MAPK10: variants seen among roughly 807,000 people sequenced by gnomAD.
The protein encoded by MAPK10 is mitogen-activated protein kinase 10.
In MAPK10, 25 loss-of-function variants were observed where a neutral mutation model predicts 59.3. That is an observed-to-expected ratio of 0.42 (90% CI 0.31 to 0.59). The LOEUF (loss-of-function observed/expected upper bound fraction) is 0.59, where lower values mean the gene tolerates loss of function less well. MAPK10 is among the 20% of genes least tolerant of loss of function. The probability of loss-of-function intolerance (pLI) is 0.15; values close to 1 mark genes in which losing one functional copy is unlikely to be tolerated. For synonymous variants in MAPK10, 190 were observed against 200.5 expected (o/e 0.95, Z 0.44); for missense variants, 351 against 568.9 (o/e 0.62, Z 3.90).
upstream of MAPK10, chr4:86,458,006 T>A (rs762535850): frequency 4.6e-5 from 7 of 151,168 alleles, no homozygotes; most frequent in Non-Finnish European, 8.8e-5. Context: ...TACTAAAAAA[T>A]ACAAAATTAG....
intron 9 of MAPK10, among the ~76,000 whole-genome samples, chr4:86,097,731 T>C (rs902288833): frequency 2.9e-4 from 44 of 152,228 alleles, no homozygotes; most frequent in South Asian, 2.5e-3. Flanking sequence ...ATCTGTACCT[T>C]TACTAGAGAG....
chr4:86,308,820 T>C (rs1400780143), intron 2 of MAPK10: 1 of 152,230 alleles, frequency 6.6e-6, no homozygotes, highest in Non-Finnish European at 1.5e-5. Context: ...GCTAAATTTG[T>C]TAATATGAAC....
At chr4:86,476,335 G>A (rs187722153) in intron 1 of MAPK10, among the ~76,000 whole-genome samples, 94 of 152,196 alleles carry the variant, frequency 6.2e-4, no homozygotes, top group East Asian at 3.3e-3. Context: ...TTACAGTTTC[G>A]TTCTGTGACT....
chr4:86,414,001 A>G (rs1246429296), intron 1 of MAPK10, among the ~76,000 whole-genome samples: 1 of 152,142 alleles, frequency 6.6e-6, no homozygotes, highest in East Asian at 1.9e-4. Context: ...TTCTGTGTCA[A>G]TCTCACTGGG....
intron 1 of MAPK10, among the ~76,000 whole-genome samples, chr4:86,424,260 G>A (rs962281499): frequency 5.3e-5 from 8 of 151,666 alleles, no homozygotes; most frequent in Admixed American, 5.3e-4. Flanking sequence ...GCGCAATCTC[G>A]AACACTGCAA....
chr4:86,170,559 C>T (rs1227115012), intron 3 of MAPK10, among the ~76,000 whole-genome samples: 1 of 151,918 alleles, frequency 6.6e-6, no homozygotes, highest in Non-Finnish European at 1.5e-5. Flanking sequence ...TACAGGAGCA[C>T]CCAGATTCAT....
intron 1 of MAPK10, among the ~76,000 whole-genome samples, chr4:86,522,371 G>A (rs967780926): frequency 2.6e-5 from 4 of 152,156 alleles, no homozygotes; most frequent in African/African-American, 9.7e-5. Context: ...GATGAAACGA[G>A]GTTGGAGCTA....
chr4:86,092,952 A>G (rs1225178201), intron 9 of MAPK10, among the ~76,000 whole-genome samples: 1 of 152,032 alleles, frequency 6.6e-6, no homozygotes, highest in Non-Finnish European at 1.5e-5. Flanking sequence ...CACTTTCCTT[A>G]GAAGAAATGT....
chr4:86,251,960 T>C (rs2148714791), intron 2 of MAPK10, among the ~76,000 whole-genome samples: 1 of 122,338 alleles, frequency 8.2e-6, no homozygotes, highest in Admixed American at 7.4e-5. Context: ...GTTTTTTGGC[T>C]GCATAAAAGT....
At chr4:86,500,322 T>C (rs1301486679) in intron 1 of MAPK10, among the ~76,000 whole-genome samples, 2 of 152,182 alleles carry the variant, frequency 1.3e-5, no homozygotes, top group African/African-American at 2.4e-5. Flanking sequence ...CCAGATCATA[T>C]GATTCTATTT....
intron 2 of MAPK10, among the ~76,000 whole-genome samples, chr4:86,310,360 T>C (rs1193092298): frequency 1.3e-5 from 2 of 152,162 alleles, no homozygotes; most frequent in Non-Finnish European, 2.9e-5. Context: ...ATTTTCTGGG[T>C]TCACAAGACA....
At chr4:86,502,160 AT>A (rs376294004) in intron 1 of MAPK10, among the ~76,000 whole-genome samples, 2 of 151,440 alleles carry the variant, frequency 1.3e-5, no homozygotes, top group Admixed American at 1.3e-4. Flanking sequence ...TTTGATCTCC[AT>A]TTTTTTTCCT....
chr4:86,144,810 C>A (rs2064476417), intron 4 of MAPK10, among the ~76,000 whole-genome samples: 1 of 152,002 alleles, frequency 6.6e-6, no homozygotes, highest in East Asian at 1.9e-4. Context: ...TAATACTCTG[C>A]CACTGATCCA....
At chr4:86,330,210 T>C (rs1442650581) in intron 2 of MAPK10, among the ~76,000 whole-genome samples, 2 of 152,216 alleles carry the variant, frequency 1.3e-5, no homozygotes, top group Admixed American at 6.5e-5. Context: ...TTTTTGTGTG[T>C]GTTTAAGTAC....
chr4:86,449,163 G>A (rs1750406892), intron 1 of MAPK10, among the ~76,000 whole-genome samples: 1 of 152,086 alleles, frequency 6.6e-6, no homozygotes, highest in African/African-American at 2.4e-5. Flanking sequence ...GGCCCCAGGG[G>A]TTGGGGACCC....
At chr4:86,203,029 G>C (rs371333142) in intron 2 of MAPK10, among the ~76,000 whole-genome samples, 112 of 152,064 alleles carry the variant, frequency 7.4e-4, no homozygotes, top group East Asian at 3.9e-4. Context: ...GATGATCAAG[G>C]TGGTATCTCA....
intron 1 of MAPK10, among the ~76,000 whole-genome samples, chr4:86,480,786 G>A (rs1056623742): frequency 9.9e-5 from 15 of 152,184 alleles, no homozygotes; most frequent in Non-Finnish European, 2.2e-4. Flanking sequence ...TAAGAGAAAA[G>A]CATAACAAAT....
At chr4:86,019,138 T>C (rs1744932653) in intron 13 of MAPK10, among the ~76,000 whole-genome samples, 1 of 152,186 alleles carries the variant, frequency 6.6e-6, no homozygotes. Flanking sequence ...GAAATAAAGA[T>C]AATGATATGC....
At position 86,014,423 on chromosome 4, in the gene MAPK10, G is replaced by A. The variant is rs980262004; in HGVS notation, c.*2805C>T. The A allele has an allele frequency of 6.6e-6, 1 of 151,374 alleles. No individual in the cohort carries two copies. Among genetic ancestry groups the A allele is most frequent in the Non-Finnish European group, 1.5e-5 (1 of 67,914 alleles). 9.4% of individuals were successfully genotyped at this position (151,374 alleles called of 1,614,324 possible). A position where few individuals can be genotyped will look rare whatever the true frequency, so the allele number is the denominator to read the frequency against. Reference sequence around the variant, plus strand: ...TCATCACCTCCTAGACATATTATAGGAAAGCAGACCTAGTGGGCAAAGGAC... The same window carrying A: ...TCATCACCTCCTAGACATATTATAGAAAAGCAGACCTAGTGGGCAAAGGAC... On this transcript the variant is annotated 3_prime_UTR_variant, in exon 14 of 14. Transcript: ENST00000641462.
Sources: gnomAD v4.1 joint callset for allele counts (sites outside exome capture counted in the v4.1 genomes callset) on GRCh38, gnomAD v4.1.1 for gene constraint, MANE v1.5 for transcripts, NCBI Gene and HGNC (gene_info 2026-07-23, HGNC 2026-07-21) for gene names.